Variants in GATB observed in about 807,000 individuals in gnomAD.
The protein encoded by GATB is glutamyl-tRNA amidotransferase subunit B, also known as glutamyl-tRNA(Gln) amidotransferase subunit B, mitochondrial.
Under a neutral mutation model 62.3 loss-of-function variants are expected in GATB, and 39 were observed. The ratio of observed to expected loss-of-function variants is 0.63; its 90% CI spans 0.48 to 0.82. The LOEUF (loss-of-function observed/expected upper bound fraction) is 0.82, where lower values mean the gene tolerates loss of function less well. Among genes scored for constraint, GATB ranks in the 40% least tolerant of loss-of-function variants. GATB has a pLI of 0.00. For missense variants in GATB, 670 were observed against 684.0 expected, an observed-to-expected ratio of 0.98 and a Z score of 0.23; for synonymous variants, 276 against 258.9, an observed-to-expected ratio of 1.07 and a Z score of -0.63.
intron 9 of GATB, among the ~76,000 whole-genome samples, chr4:151,695,935 T>C (rs1445341173): frequency 2.1e-5 from 3 of 140,598 alleles, no homozygotes; most frequent in Non-Finnish European, 4.6e-5. Context: ...TTTAAATTTT[T>C]TTTTTTTTTT....
intron 1 of GATB, 110 bp downstream of exon 1, chr4:151,760,697 C>T: frequency 9.9e-7 from 1 of 1,011,602 alleles, no homozygotes. Flanking sequence ...TAACTCAACG[C>T]CCTCCCGTCA....
intron 6 of GATB, among the ~76,000 whole-genome samples, chr4:151,706,562 G>C (rs1450373647): frequency 1.3e-5 from 2 of 152,164 alleles, no homozygotes; most frequent in Non-Finnish European, 2.9e-5. Flanking sequence ...ATGCAGAACA[G>C]TTCACCATCT....
chr4:151,742,814 C>G (rs777637212), intron 2 of GATB, among the ~76,000 whole-genome samples: 3 of 152,066 alleles, frequency 2.0e-5, no homozygotes, highest in Non-Finnish European at 4.4e-5. Context: ...ACAAAATACA[C>G]CAGAGAATCA....
intron 3 of GATB, chr4:151,717,283 C>T (rs1738933721): frequency 1.7e-6 from 1 of 572,862 alleles, no homozygotes; most frequent in South Asian, 2.0e-5. Flanking sequence ...CCCCTTCACC[C>T]TCCCCAAATC....
chr4:151,727,987 GA>G (rs1156899042), intron 2 of GATB, among the ~76,000 whole-genome samples: 1 of 152,198 alleles, frequency 6.6e-6, no homozygotes, highest in African/African-American at 2.4e-5. Flanking sequence ...AACAGATGCT[GA>G]AATTATGTAT....
Position 151,758,789 on chromosome 4 carries a change from G to A in GATB, c.310C>T (p.Leu104=), listed in dbSNP as rs139944626. The part of the protein sequence containing the change: ...NSLVSFFDAS[L]PGTLPVLNRR... ...AATCTTACCGGCAAAGTTCCAGGTAGAGATGCATCAAAAAAAGAAACCAAA... is the reference window on the plus strand; with the variant it reads ...AATCTTACCGGCAAAGTTCCAGGTAAAGATGCATCAAAAAAAGAAACCAAA... The change falls in exon 2 of 13, where the codon CTA becomes TTA. Residue 104 remains leucine, a synonymous_variant. Coordinates refer to ENST00000263985, the MANE Select transcript of GATB (RefSeq NM_004564.3). The A allele has an allele frequency of 6.2e-7, 1 of 1,601,108 alleles. No homozygotes were observed. The highest frequency in any genetic ancestry group is 1.3e-5 in the African/African-American group (1 of 74,554).
At chr4:151,683,163 T>C (rs1738176637) in intron 10 of GATB, among the ~76,000 whole-genome samples, 5 of 146,448 alleles carry the variant, frequency 3.4e-5, no homozygotes, top group Admixed American at 3.4e-4. Context: ...TTGGCTGACC[T>C]TGCAGTCACT....
chr4:151,718,726 A>C (rs1360055287), intron 3 of GATB, among the ~76,000 whole-genome samples: 1 of 152,238 alleles, frequency 6.6e-6, no homozygotes, highest in Non-Finnish European at 1.5e-5. Flanking sequence ...TCTGAATCAG[A>C]CCAAACAAAA....
At chr4:151,687,458 C>T (rs1224410607) in intron 10 of GATB, among the ~76,000 whole-genome samples, 1 of 152,236 alleles carries the variant, frequency 6.6e-6, no homozygotes, top group East Asian at 1.9e-4. Flanking sequence ...TTGCTCTCAA[C>T]TTGGCCTAGC....
intron 10 of GATB, among the ~76,000 whole-genome samples, chr4:151,686,650 CCG>C (rs1199662296): frequency 7.9e-4 from 57 of 72,248 alleles, no homozygotes; most frequent in African/African-American, 5.1e-3. Context: ...AGTCCCCGCC[CCG>C]CCCCCCCCCC....
At chr4:151,697,959 A>ATATATATATATATATATATATATGTG (rs1560847719) in intron 9 of GATB, among the ~76,000 whole-genome samples, 1 of 54,972 alleles carries the variant, frequency 1.8e-5, no homozygotes, top group African/African-American at 6.8e-5. Context: ...GTGTGTATAT[A>ATATATATATATATATATATATATGTG]TATATATATA....
At chr4:151,747,114 C>T (rs934361772) in intron 2 of GATB, among the ~76,000 whole-genome samples, 2 of 152,096 alleles carry the variant, frequency 1.3e-5, no homozygotes, top group African/African-American at 2.4e-5. Context: ...TAGAACAGTG[C>T]CTGCCACATG....
intron 2 of GATB, among the ~76,000 whole-genome samples, chr4:151,726,690 T>C (rs111764919): frequency 0.013 from 2,023 of 152,204 alleles, 40 homozygotes; most frequent in African/African-American, 0.046. Context: ...CTATCCTCAG[T>C]TCCCAGTTTT....
intron 2 of GATB, among the ~76,000 whole-genome samples, chr4:151,726,566 C>T (rs1337099020): frequency 6.6e-6 from 1 of 152,204 alleles, no homozygotes; most frequent in African/African-American, 2.4e-5. Flanking sequence ...GTGAAGGCTA[C>T]ATTTCCTCTT....
At chr4:151,714,389 C>A (rs1009847710) in intron 5 of GATB, among the ~76,000 whole-genome samples, 3 of 152,224 alleles carry the variant, frequency 2.0e-5, no homozygotes, top group African/African-American at 7.2e-5. Flanking sequence ...GGAGAGGGGG[C>A]TGATAAAATG....
At position 151,679,857 on chromosome 4, in the gene GATB, C is replaced by CA. The variant is rs755499526; in HGVS notation, c.1365dup (p.Asp456Ter). The CA allele has an allele frequency of 6.2e-7, 1 of 1,614,100 alleles. No homozygotes were observed. The highest frequency in any genetic ancestry group is 8.5e-7 in the Non-Finnish European group (1 of 1,180,008). On this transcript the variant is annotated frameshift_variant, in exon 11 of 13. Transcript: ENST00000263985. LOFTEE classifies it high-confidence loss of function. ...GAAATTGTTCTGCTGTCCAGCAGGT[C>CA]AAGAAGCTCAGCGAGTGCAGAGGGT...
chr4:151,704,620 A>AT (rs1473542044), intron 7 of GATB, among the ~76,000 whole-genome samples: 1 of 150,684 alleles, frequency 6.6e-6, no homozygotes, highest in Non-Finnish European at 1.5e-5. Flanking sequence ...CACCTGGCTA[A>AT]TTTTTTGTAT....
At chr4:151,714,186 C>G (rs1458896838) in intron 5 of GATB, among the ~76,000 whole-genome samples, 1 of 152,164 alleles carries the variant, frequency 6.6e-6, no homozygotes, top group East Asian at 1.9e-4. Flanking sequence ...CTGGTCTATG[C>G]TCATCAGCAA....
At chr4:151,701,260 G>A (rs1179644055) in intron 9 of GATB, 69 bp downstream of exon 9, 3 of 1,286,064 alleles carry the variant, frequency 2.3e-6, no homozygotes, top group Admixed American at 5.5e-5. Context: ...CCTGTGTGTG[G>A]CGGGGCCTCT....
Sources: gnomAD v4.1 joint callset for allele counts (sites outside exome capture counted in the v4.1 genomes callset) on GRCh38, gnomAD v4.1.1 for gene constraint, MANE v1.5 for transcripts, NCBI Gene and HGNC (gene_info 2026-07-23, HGNC 2026-07-21) for gene names.